TNS3: variants seen among roughly 807,000 people sequenced by gnomAD.
The protein encoded by TNS3 is tensin-3.
In TNS3, 45 loss-of-function variants were observed where a neutral mutation model predicts 140.9. The observed-to-expected ratio is 0.32, with a 90% CI of 0.25 to 0.41. TNS3 has a LOEUF of 0.41. Ranked by LOEUF, TNS3 falls within the 10% of genes least tolerant of loss-of-function variation. The pLI is 1.00. For missense variants in TNS3, 1,716 were observed against 1,906.7 expected (o/e 0.90, Z 1.86); for synonymous variants, 815 against 788.4 (o/e 1.03, Z -0.56).
chr7:47,410,664 C>G (rs1423166565), intron 13 of TNS3, among the ~76,000 whole-genome samples: 2 of 152,146 alleles, frequency 1.3e-5, no homozygotes, highest in Admixed American at 1.3e-4. Context: ...CTAGGGGTTA[C>G]AGGGAAATTA....
chr7:47,350,684 G>A (rs1789615485), intron 17 of TNS3, among the ~76,000 whole-genome samples: 2 of 152,218 alleles, frequency 1.3e-5, no homozygotes, highest in Non-Finnish European at 2.9e-5. Flanking sequence ...GCTCACAGGG[G>A]ACGAGTCCTC....
chr7:47,346,576 C>T (rs1789358490), intron 17 of TNS3, among the ~76,000 whole-genome samples: 1 of 152,298 alleles, frequency 6.6e-6, no homozygotes, highest in Admixed American at 6.5e-5. Context: ...TGGAAATGTG[C>T]AGCTTCCCCA....
intron 2 of TNS3, among the ~76,000 whole-genome samples, chr7:47,513,956 A>G (rs996835607): frequency 1.3e-5 from 2 of 152,216 alleles, no homozygotes; most frequent in Non-Finnish European, 2.9e-5. Flanking sequence ...CAAACGCCCA[A>G]CATTTTTATA....
chr7:47,539,652 C>T (rs917983234), intron 1 of TNS3: 3 of 162,464 alleles, frequency 1.8e-5, no homozygotes, highest in African/African-American at 7.2e-5. Context: ...ATCCGCCCCC[C>T]ATCTGACCTC....
rs556404947 is a variant in TNS3, at chr7:47,573,510, G to A, written c.-265+8541C>T. On this transcript the variant is annotated intron_variant, in intron 1 of 30. Transcript: ENST00000311160. ...GTCTTTGTATTCTTCTTTGCCTTCT[G>A]CAAATCCCCTTTGCTACTCCAGAAC... is the stretch of plus-strand genomic sequence containing the variant. 3.9e-5 allele frequency among the ~76,000 whole-genome samples: 6 copies of A among 152,348 alleles called. No individual in the cohort carries two copies. In the South Asian group the frequency reaches 1.2e-3, roughly 32 times the overall value.
intron 1 of TNS3, among the ~76,000 whole-genome samples, chr7:47,553,734 A>G (rs960765952): frequency 6.6e-6 from 1 of 152,176 alleles, no homozygotes; most frequent in Non-Finnish European, 1.5e-5. Context: ...CATGCCTACT[A>G]ACACAACATC....
chr7:47,335,151 G>A (rs756305052), intron 20 of TNS3, among the ~76,000 whole-genome samples: 1 of 152,202 alleles, frequency 6.6e-6, no homozygotes, highest in Non-Finnish European at 1.5e-5. Context: ...GAATTTCTGA[G>A]AAGCCTAAGG....
In TNS3 at chr7:47,369,150, G is replaced by A. The variant is rs370345227; in HGVS notation, c.1496C>T (p.Ser499Leu). ...CAGGTGGGCCGACTGAGGCCCTTCC[G>A]AGGAGGACAGGGTCCCAAGGCTGTC... ...SVDSLGTLSS[S>L]EGPQSAHLGP... The change falls in exon 17 of 31, where the codon TCG becomes TTG. Residue 499 changes from serine to leucine, a missense_variant. Around this residue, in one of 3 missense-constraint regions of TNS3, gnomAD observed 1,163 missense variants for 1,182.1 expected, o/e 0.98. Transcript: ENST00000311160. 6 of 1,613,922 alleles carry A rather than the reference G, an allele frequency of 3.7e-6. No homozygotes were observed. Among genetic ancestry groups the A allele is most frequent in the Admixed American group, 1.7e-5 (1 of 60,000 alleles).
chr7:47,480,963 G>T, intron 4 of TNS3, 140 bp downstream of exon 4: 1 of 498,360 alleles, frequency 2.0e-6, no homozygotes, highest in Non-Finnish European at 3.3e-6. Flanking sequence ...ATAGAGCCTT[G>T]TGAATGCAAG....
intron 7 of TNS3, among the ~76,000 whole-genome samples, chr7:47,435,922 C>G (rs138573626): frequency 4.1e-4 from 62 of 152,314 alleles, no homozygotes; most frequent in Non-Finnish European, 7.5e-4. Flanking sequence ...AAATCACCAC[C>G]ATGTGCTAAA....
intron 4 of TNS3, among the ~76,000 whole-genome samples, chr7:47,473,765 T>C (rs966039163): frequency 1.3e-5 from 2 of 152,172 alleles, no homozygotes; most frequent in African/African-American, 2.4e-5. Context: ...CCCAGATCAC[T>C]GGATGCTCAG....
chr7:47,365,932 T>G (rs1442053474), intron 17 of TNS3, among the ~76,000 whole-genome samples: 2 of 152,134 alleles, frequency 1.3e-5, no homozygotes, highest in Admixed American at 1.3e-4. Context: ...GAAGACATAT[T>G]AACCTCAAGA....
chr7:47,351,852 T>C (rs1467609578), intron 17 of TNS3, among the ~76,000 whole-genome samples: 1 of 152,134 alleles, frequency 6.6e-6, no homozygotes, highest in Non-Finnish European at 1.5e-5. Flanking sequence ...CCCTGGAGAC[T>C]GGAGCTGCCC....
At chr7:47,360,165 C>T (rs76384755) in intron 17 of TNS3, among the ~76,000 whole-genome samples, 3,696 of 152,262 alleles carry the variant, frequency 0.024, 55 homozygotes, top group Non-Finnish European at 0.041. Context: ...AAACGTTTTC[C>T]GAATTGGACA....
chr7:47,412,098 G>GGTGT (rs1229115939), intron 12 of TNS3, among the ~76,000 whole-genome samples: 1 of 152,180 alleles, frequency 6.6e-6, no homozygotes, highest in Non-Finnish European at 1.5e-5. Flanking sequence ...AGGGGCCCAG[G>GGTGT]GTGTGCACAG....
intron 2 of TNS3, among the ~76,000 whole-genome samples, chr7:47,512,069 A>C (rs1428670553): frequency 6.6e-6 from 1 of 152,228 alleles, no homozygotes; most frequent in Non-Finnish European, 1.5e-5. Context: ...ACAGAGCGGA[A>C]GCTGCCTGCC....
At chr7:47,562,359 T>C (rs1015361994) in intron 1 of TNS3, among the ~76,000 whole-genome samples, 1 of 150,644 alleles carries the variant, frequency 6.6e-6, no homozygotes, top group Non-Finnish European at 1.5e-5. Flanking sequence ...ACTTGAAAGG[T>C]CACACCCTTC....
intron 1 of TNS3, among the ~76,000 whole-genome samples, chr7:47,564,654 A>AC (rs1800391261): frequency 6.8e-6 from 1 of 146,734 alleles, no homozygotes; most frequent in Admixed American, 6.8e-5. Flanking sequence ...AAAAAACAAA[A>AC]AAAAACAAAA....
intron 7 of TNS3, among the ~76,000 whole-genome samples, chr7:47,435,745 G>A (rs971637641): frequency 1.3e-5 from 2 of 152,138 alleles, no homozygotes; most frequent in African/African-American, 4.8e-5. Context: ...CTAGGCCCAA[G>A]CTGCTGCCAA....
Sources: allele counts gnomAD v4.1 joint callset (sites outside exome capture counted in the v4.1 genomes callset), GRCh38; gene constraint gnomAD v4.1.1; regional missense constraint gnomAD v4.1.1; transcripts MANE v1.5; gene names NCBI Gene and HGNC (gene_info 2026-07-23, HGNC 2026-07-21).